The following POLR1A variants were observed in gnomAD, a reference collection of about 807,000 sequenced individuals.
POLR1A encodes the protein DNA-directed RNA polymerase I subunit RPA1.
A neutral mutation model predicts 205.3 loss-of-function variants in POLR1A; 84 were observed. The observed-to-expected ratio is 0.41, with a 90% CI of 0.34 to 0.49. POLR1A has a LOEUF of 0.49. Ranked by LOEUF, POLR1A falls within the 20% of genes least tolerant of loss-of-function variation. POLR1A has a pLI of 0.22. For missense variants in POLR1A, 1,645 were observed against 2,204.5 expected (o/e 0.75, Z 5.08); for synonymous variants, 799 against 863.7 (o/e 0.93, Z 1.31).
intron 11 of POLR1A, 126 bp downstream of exon 11, chr2:86,077,733 T>C (rs1312828357): frequency 2.6e-6 from 3 of 1,145,168 alleles, no homozygotes; most frequent in South Asian, 1.3e-5. Context: ...AATAATCTGC[T>C]GCACATCCTG....
rs1673434314 is a variant in POLR1A, at chr2:86,083,064, T to C, written c.817+18A>G. 2 of 1,584,142 alleles carry C rather than the reference T, an allele frequency of 1.3e-6. No homozygotes were observed. Among genetic ancestry groups the C allele is most frequent in the African/African-American group, 2.7e-5 (2 of 74,328 alleles). ...GCCTAGAGAAGATCAAGGCTATTTCTTTAGCCTGATACAGCACCTTCATTC... is the reference window on the plus strand; with the variant it reads ...GCCTAGAGAAGATCAAGGCTATTTCCTTAGCCTGATACAGCACCTTCATTC... On this transcript the variant is annotated intron_variant, in intron 7 of 33. Coordinates refer to ENST00000263857, the MANE Select transcript of POLR1A (RefSeq NM_015425.6).
chr2:86,070,447 G>A lies in POLR1A; in HGVS notation c.1612-175C>T, dbSNP rs992484160. On this transcript the variant is annotated intron_variant, in intron 12 of 33. Coordinates refer to ENST00000263857, the MANE Select transcript of POLR1A (RefSeq NM_015425.6). This position sits in a 1 kb window ranked among gnomAD's most constrained non-coding sequence, Gnocchi z 4.4. Reference sequence around the variant, plus strand: ...AACCCTGGAAATCTCTGAGAAATACGTCCTAGGCCCTTCTGGTCCTGGCCC... The same window carrying A: ...AACCCTGGAAATCTCTGAGAAATACATCCTAGGCCCTTCTGGTCCTGGCCC... Among the ~76,000 whole-genome samples the A allele has an allele frequency of 2.6e-5, 4 of 152,044 alleles. No individual in the cohort carries two copies. The highest frequency in any genetic ancestry group is 2.1e-4 in the South Asian group (1 of 4,820).
chr2:86,028,658 C>A lies in POLR1A; in HGVS notation c.4833G>T (p.Thr1611=). 1.9e-6 allele frequency: 3 copies of A among 1,614,160 alleles called. No homozygotes were observed. Among genetic ancestry groups the A allele is most frequent in the Non-Finnish European group, 2.5e-6 (3 of 1,179,994 alleles). The change falls in exon 32 of 34, where the codon ACG becomes ACT. Residue 1611 remains threonine (T), a synonymous_variant. Transcript: ENST00000263857. The surrounding 1 kb of genome is among the most constrained non-coding windows in gnomAD (Gnocchi z 4.5). ...CCCGCAGCGCGGCCTCAATGCCATA[C>A]GTGTTGGCTATGGCGTGGATGTCGT... The part of the protein sequence containing the change: ...YSNDIHAIAN[T]YGIEAALRVI...
chr2:86,045,322 C>A lies in POLR1A; in HGVS notation c.2925G>T (p.Leu975=). 1 of 1,614,030 alleles carries A rather than the reference C, an allele frequency of 6.2e-7. No individual in the cohort carries two copies. The highest frequency in any genetic ancestry group is 1.3e-5 in the African/African-American group (1 of 75,050). The part of the protein sequence containing the change: ...FFHCMAGREG[L]VDTAVKTSRS... ...GGCTGGTTTTCACAGCAGTGTCCAC[C>A]AGGCCCTCTCGTCCTGCCATGCAGT... The change falls in exon 21 of 34, where the codon CTG becomes CTT. Residue 975 remains leucine (L), a synonymous_variant. Transcript: ENST00000263857.
chr2:86,031,494 C>T lies in POLR1A; in HGVS notation c.4414G>A (p.Glu1472Lys). ...QDEEVGLGTE[E>K]DPSLPALLTQ... ...AGGAGGGCGGGAAGGGACGGGTCCTCCTCAGTGCCTAAGCCCACCTCTTCA... is the reference window on the plus strand; with the variant it reads ...AGGAGGGCGGGAAGGGACGGGTCCTTCTCAGTGCCTAAGCCCACCTCTTCA... Residue 1472 changes from glutamate to lysine, a missense_variant, in exon 30 of 34, where the codon GAG (glutamate) becomes AAG (lysine). By Grantham distance (56) the Glu-to-Lys change is moderately conservative (BLOSUM62 1). Coordinates refer to ENST00000263857, the MANE Select transcript of POLR1A (RefSeq NM_015425.6). 1 of 1,614,188 alleles carries T rather than the reference C, an allele frequency of 6.2e-7. No individual in the cohort carries two copies. Among genetic ancestry groups the T allele is most frequent in the Admixed American group, 1.7e-5 (1 of 60,028 alleles).
intron 15 of POLR1A, among the ~76,000 whole-genome samples, 185 bp from the exon 16 acceptor site, chr2:86,053,185 A>T (rs531269267): frequency 9.9e-5 from 15 of 152,136 alleles, no homozygotes; most frequent in South Asian, 6.2e-4. Flanking sequence ...TATTATTATT[A>T]TTTTTTAATA....
chr2:86,098,537 C>T, intron 3 of POLR1A, 74 bp downstream of exon 3: 4 of 1,466,280 alleles, frequency 2.7e-6, no homozygotes, highest in Non-Finnish European at 3.8e-6. Flanking sequence ...GTAACTAGGA[C>T]AACATACAAG....
At chr2:86,029,863 G>C (rs1311591325) in intron 31 of POLR1A, among the ~76,000 whole-genome samples, 1 of 152,014 alleles carries the variant, frequency 6.6e-6, no homozygotes, top group East Asian at 1.9e-4. Context: ...GCCTCCCAAA[G>C]TGCTGGGATT....
intron 24 of POLR1A, among the ~76,000 whole-genome samples, chr2:86,040,990 T>C (rs1007256113): frequency 1.3e-5 from 2 of 152,200 alleles, no homozygotes; most frequent in Non-Finnish European, 2.9e-5. Flanking sequence ...TAGGCCATTA[T>C]GGGGATGGGG....
Position 86,031,551 on chromosome 2 carries a change from T to C in POLR1A, c.4357A>G (p.Arg1453Gly), listed in dbSNP as rs1236944808. The C allele has an allele frequency of 2.5e-6, 4 of 1,614,070 alleles. No homozygotes were observed. Among genetic ancestry groups the C allele is most frequent in the Middle Eastern group, 1.6e-4 (1 of 6,082 alleles). ...TCTTGGGTCTTTCGAGCACCTTCCCTGTGGGGATTTCGTTCCTCCTGCATG... is the reference window on the plus strand; with the variant it reads ...TCTTGGGTCTTTCGAGCACCTTCCCCGTGGGGATTTCGTTCCTCCTGCATG... ...EDMQEERNPH[R>G]EGARKTQEQD... The change falls in exon 30 of 34, where the codon AGG (arginine) becomes GGG (glycine). Residue 1453 changes from arginine (R) to glycine (G), a missense_variant. Transcript: ENST00000263857.
chr2:86,044,391 G>C, intron 21 of POLR1A, 87 bp from the exon 22 acceptor site: 2 of 1,395,318 alleles, frequency 1.4e-6, no homozygotes, highest in Non-Finnish European at 2.0e-6. Flanking sequence ...GTGGAGGGGA[G>C]GGAAAGGGGG....
intron 6 of POLR1A, among the ~76,000 whole-genome samples, chr2:86,086,588 G>A (rs1232125644): frequency 6.6e-6 from 1 of 152,150 alleles, no homozygotes; most frequent in Non-Finnish European, 1.5e-5. Context: ...ATAATGCTGA[G>A]CACCCAACAA....
At chr2:86,097,781 G>C (rs971484322) in intron 3 of POLR1A, among the ~76,000 whole-genome samples, 2 of 152,070 alleles carry the variant, frequency 1.3e-5, no homozygotes, top group African/African-American at 4.8e-5. Flanking sequence ...TGTTAAAGGA[G>C]ATAAAATTAC....
intron 28 of POLR1A, 69 bp from the exon 29 acceptor site, chr2:86,032,451 A>C: frequency 9.2e-7 from 1 of 1,081,362 alleles, no homozygotes; most frequent in South Asian, 1.3e-5. Flanking sequence ...CCATCCATCC[A>C]CCCACCAACC....
intron 1 of POLR1A, among the ~76,000 whole-genome samples, chr2:86,104,205 G>A (rs1395291005): frequency 6.6e-6 from 1 of 152,112 alleles, no homozygotes; most frequent in Non-Finnish European, 1.5e-5. Context: ...TAAGGGGAGG[G>A]TGGAAGGAAA....
intron 11 of POLR1A, among the ~76,000 whole-genome samples, chr2:86,075,880 G>C (rs766119418): frequency 5.3e-5 from 8 of 152,172 alleles, no homozygotes; most frequent in Non-Finnish European, 1.2e-4. Flanking sequence ...GGTGGCATGG[G>C]GCACTTCCTT....
chr2:86,038,667 A>G, intron 27 of POLR1A, 33 bp downstream of exon 27: 1 of 1,608,206 alleles, frequency 6.2e-7, no homozygotes, highest in Non-Finnish European at 8.5e-7. Flanking sequence ...TCTCTGGGTC[A>G]AGGTCAATGA....
rs754707018 is a variant in POLR1A, at chr2:86,030,214, C to A, written c.4761G>T (p.Glu1587Asp). Residue 1587 changes from glutamate (E) to aspartate (D), a missense_variant, in exon 31 of 34, where the codon GAG becomes GAT. This residue lies in a region of POLR1A where 394 missense variants were observed against 468.5 expected (regional missense o/e 0.84). Transcript: ENST00000263857. ...VLNTEGINLPELFKYAEVLDL... is the reference protein window; with the variant it reads ...VLNTEGINLPDLFKYAEVLDL... ...GTCTTACCTCTGCATACTTGAATAG[C>A]TCTGGGAGGTTGATTCCTTCTGTGT... 1 of 1,614,072 alleles carries A rather than the reference C, an allele frequency of 6.2e-7. No homozygotes were observed. The highest frequency in any genetic ancestry group is 8.5e-7 in the Non-Finnish European group (1 of 1,179,908).
chr2:86,103,693 G>C (rs1309300128), intron 1 of POLR1A, among the ~76,000 whole-genome samples: 1 of 152,154 alleles, frequency 6.6e-6, no homozygotes, highest in African/African-American at 2.4e-5. Context: ...CATTTATTCA[G>C]ACTTGAGGAT....
Sources: gnomAD v4.1 joint callset for allele counts (sites outside exome capture counted in the v4.1 genomes callset) on GRCh38, gnomAD v4.1.1 for gene constraint, gnomAD v4.1.1 regional missense constraint, Gnocchi (gnomAD v3.1) non-coding constraint, MANE v1.5 for transcripts, NCBI Gene and HGNC (gene_info 2026-07-23, HGNC 2026-07-21) for gene names.